COL24A1: variants seen among roughly 807,000 people sequenced by gnomAD.
The protein encoded by COL24A1 is collagen alpha-1(XXIV) chain.
In COL24A1, 224 loss-of-function variants were observed where a neutral mutation model predicts 253.9. The observed-to-expected ratio is 0.88, with a 90% CI of 0.79 to 0.99. COL24A1 has a LOEUF of 0.99. Among genes scored for constraint, COL24A1 ranks in the 50% least tolerant of loss-of-function variants. COL24A1 has a pLI of 0.00. For missense variants in COL24A1, 2,131 were observed against 2,068.5 expected (o/e 1.03, Z -0.59); for synonymous variants, 685 against 673.7 (o/e 1.02, Z -0.26).
At chr1:86,145,716 C>T (rs1651782985) in intron 2 of COL24A1, among the ~76,000 whole-genome samples, 2 of 151,824 alleles carry the variant, frequency 1.3e-5, no homozygotes, top group South Asian at 4.2e-4. Flanking sequence ...ATGCAAATTC[C>T]ATTTTGTTTC....
chr1:85,949,599 T>C (rs1387585836), intron 24 of COL24A1, among the ~76,000 whole-genome samples: 2 of 152,160 alleles, frequency 1.3e-5, no homozygotes, highest in African/African-American at 4.8e-5. Context: ...CTCTATTTCC[T>C]AAATATCTTT....
chr1:85,782,456 A>G (rs1669237120), intron 51 of COL24A1, among the ~76,000 whole-genome samples: 1 of 152,198 alleles, frequency 6.6e-6, no homozygotes, highest in South Asian at 2.1e-4. Context: ...GGTTAGTTAC[A>G]TAAGTATGAT....
chr1:86,037,516 G>A (rs143783914), intron 12 of COL24A1, among the ~76,000 whole-genome samples: 7 of 152,176 alleles, frequency 4.6e-5, no homozygotes, highest in Admixed American at 3.3e-4. Flanking sequence ...GCCAAGAGCC[G>A]GCAAAAAGCC....
chr1:86,124,140 T>C (rs1455761392), intron 3 of COL24A1, among the ~76,000 whole-genome samples: 2 of 151,996 alleles, frequency 1.3e-5, no homozygotes, highest in Non-Finnish European at 2.9e-5. Flanking sequence ...TTCCCACCTA[T>C]ACAACAAAAG....
intron 5 of COL24A1, among the ~76,000 whole-genome samples, chr1:86,092,718 T>C (rs1411014920): frequency 6.6e-6 from 1 of 151,906 alleles, no homozygotes; most frequent in Non-Finnish European, 1.5e-5. Flanking sequence ...TCCTTAAAAT[T>C]CTAAGATATC....
chr1:85,796,934 C>T (rs1285706277), intron 47 of COL24A1, among the ~76,000 whole-genome samples: 2 of 152,004 alleles, frequency 1.3e-5, no homozygotes, highest in African/African-American at 4.8e-5. Flanking sequence ...GGCACGGTGG[C>T]TCACGCCTGT....
chr1:85,864,630 T>C (rs942667842), intron 37 of COL24A1, among the ~76,000 whole-genome samples: 1 of 152,160 alleles, frequency 6.6e-6, no homozygotes, highest in Admixed American at 6.5e-5. Context: ...ATTGATAATC[T>C]TCTCATCTTT....
chr1:86,039,836 G>A (rs949670217), intron 12 of COL24A1, among the ~76,000 whole-genome samples: 1 of 152,154 alleles, frequency 6.6e-6, no homozygotes, highest in Admixed American at 6.6e-5. Context: ...ACTACAGGAA[G>A]AGGCTGGAGT....
intron 47 of COL24A1, among the ~76,000 whole-genome samples, chr1:85,810,517 A>G (rs1672418577): frequency 6.6e-6 from 1 of 151,990 alleles, no homozygotes; most frequent in South Asian, 2.1e-4. Context: ...GCTTTGTGAC[A>G]TAGTTTGGAT....
intron 57 of COL24A1, among the ~76,000 whole-genome samples, chr1:85,739,925 C>T (rs567566636): frequency 6.6e-6 from 1 of 152,258 alleles, no homozygotes; most frequent in South Asian, 2.1e-4. Flanking sequence ...CAGTTCACTC[C>T]CTCTAGTGTC....
At chr1:85,763,298 G>A (rs1252010187) in intron 53 of COL24A1, among the ~76,000 whole-genome samples, 1 of 151,590 alleles carries the variant, frequency 6.6e-6, no homozygotes, top group African/African-American at 2.4e-5. Flanking sequence ...CACTCCTGTA[G>A]TCCTAGCTAC....
intron 11 of COL24A1, among the ~76,000 whole-genome samples, chr1:86,049,060 C>A (rs566140859): frequency 2.0e-5 from 3 of 152,144 alleles, no homozygotes; most frequent in Admixed American, 6.5e-5. Context: ...CAATTCTCTG[C>A]GTGATCGGTG....
chr1:85,951,393 G>C (rs1219052997), intron 24 of COL24A1, among the ~76,000 whole-genome samples: 1 of 152,166 alleles, frequency 6.6e-6, no homozygotes, highest in East Asian at 1.9e-4. Context: ...GGTAATTTAA[G>C]ATGGATCTTG....
intron 19 of COL24A1, among the ~76,000 whole-genome samples, chr1:86,000,914 GC>G (rs1695329731): frequency 6.6e-6 from 1 of 152,192 alleles, no homozygotes; most frequent in Non-Finnish European, 1.5e-5. Flanking sequence ...AAGGTGCTCT[GC>G]TGCCAGAACT....
chr1:85,748,620 AC>A (rs1409853480), intron 55 of COL24A1, among the ~76,000 whole-genome samples: 2 of 149,092 alleles, frequency 1.3e-5, no homozygotes, highest in Non-Finnish European at 3.0e-5. Context: ...CATCTGAGGT[AC>A]CGGGTTCATC....
intron 19 of COL24A1, among the ~76,000 whole-genome samples, chr1:85,996,337 C>A (rs553486911): frequency 5.3e-5 from 8 of 152,196 alleles, no homozygotes; most frequent in African/African-American, 1.9e-4. Context: ...ATTATAGGTA[C>A]TCAATATCTA....
intron 53 of COL24A1, among the ~76,000 whole-genome samples, chr1:85,766,193 C>T (rs1049358901): frequency 2.6e-5 from 4 of 151,236 alleles, no homozygotes; most frequent in African/African-American, 9.7e-5. Context: ...TGGTGAAATC[C>T]CGTTTCTACA....
At position 85,879,400 on chromosome 1, in the gene COL24A1, T is replaced by G. The variant is rs182860032; in HGVS notation, c.2977-2225A>C. Reference sequence around the variant, plus strand: ...GCTCCTTTGTCACAGATCACTTGATTTTATTTGTGACTATATGTTGTGTAT... The same window carrying G: ...GCTCCTTTGTCACAGATCACTTGATGTTATTTGTGACTATATGTTGTGTAT... On this transcript the variant is annotated intron_variant, in intron 32 of 59. Coordinates refer to ENST00000370571, the MANE Select transcript of COL24A1 (RefSeq NM_152890.7). Among the ~76,000 whole-genome samples the G allele has an allele frequency of 3.3e-3, 495 of 152,230 alleles. 1 individual carries two copies. Among genetic ancestry groups the G allele is most frequent in the Admixed American group, 7.3e-3 (111 of 15,276 alleles).
At chr1:85,877,250 G>T in intron 32 of COL24A1, 75 bp from the exon 33 acceptor site, 4 of 1,019,602 alleles carry the variant, frequency 3.9e-6, no homozygotes, top group Non-Finnish European at 5.7e-6. Flanking sequence ...TCTGGATATG[G>T]GTTTTATAAT....
Sources: gnomAD v4.1 joint callset for allele counts (sites outside exome capture counted in the v4.1 genomes callset) on GRCh38, gnomAD v4.1.1 for gene constraint, MANE v1.5 for transcripts, NCBI Gene and HGNC (gene_info 2026-07-23, HGNC 2026-07-21) for gene names.